Variants in GRID2 observed in about 807,000 individuals in gnomAD.
GRID2 encodes glutamate receptor ionotropic, delta-2.
A neutral mutation model predicts 114.8 loss-of-function variants in GRID2; 33 were observed. That is an observed-to-expected ratio of 0.29 (90% confidence interval 0.22 to 0.38). GRID2 has a LOEUF of 0.38. Ranked by LOEUF, GRID2 falls within the 10% of genes least tolerant of loss-of-function variation. The pLI, the probability that GRID2 is intolerant of heterozygous loss-of-function variation, is 1.00. For synonymous variants in GRID2, 505 were observed against 449.9 expected, an observed-to-expected ratio of 1.12 and a Z score of -1.55; for missense variants, 1,184 against 1,257.7, an observed-to-expected ratio of 0.94 and a Z score of 0.89.
intron 2 of GRID2, among the ~76,000 whole-genome samples, chr4:92,948,718 C>T (rs1751821298): frequency 6.6e-6 from 1 of 151,946 alleles, no homozygotes; most frequent in East Asian, 1.9e-4. Context: ...AACATGTTTA[C>T]CTGTTTGACA....
intron 4 of GRID2, among the ~76,000 whole-genome samples, chr4:93,139,310 C>T (rs899341413): frequency 4.6e-5 from 7 of 152,106 alleles, no homozygotes; most frequent in African/African-American, 1.7e-4. Context: ...GACCACAGGA[C>T]ATAGCAAATT....
intron 1 of GRID2, among the ~76,000 whole-genome samples, chr4:92,395,641 A>T (rs192501101): frequency 6.6e-6 from 1 of 151,788 alleles, no homozygotes; most frequent in Admixed American, 6.6e-5. Context: ...GGCACTATCT[A>T]TCTATGTGTC....
intron 1 of GRID2, among the ~76,000 whole-genome samples, chr4:92,535,829 CG>C (rs1459786772): frequency 6.6e-6 from 1 of 151,770 alleles, no homozygotes; most frequent in Admixed American, 6.6e-5. Context: ...TTCCTTTTGG[CG>C]GGTTCGTCGT....
At chr4:93,666,025 C>A (rs1007574391) in intron 14 of GRID2, among the ~76,000 whole-genome samples, 2 of 152,042 alleles carry the variant, frequency 1.3e-5, no homozygotes, top group Non-Finnish European at 2.9e-5. Context: ...CTTCAACTGA[C>A]CACAAGCCCC....
intron 8 of GRID2, among the ~76,000 whole-genome samples, chr4:93,348,227 CA>C (rs1760436664): frequency 6.6e-6 from 1 of 152,184 alleles, no homozygotes; most frequent in East Asian, 1.9e-4. Flanking sequence ...TTATATAACA[CA>C]AGGTCAAACT....
chr4:93,064,586 G>A (rs988338908), intron 2 of GRID2, among the ~76,000 whole-genome samples: 3 of 151,788 alleles, frequency 2.0e-5, no homozygotes, highest in African/African-American at 7.2e-5. Flanking sequence ...GACAGAGTAG[G>A]TGACACTGCA....
chr4:92,334,518 T>C (rs760183028), intron 1 of GRID2, among the ~76,000 whole-genome samples: 3 of 152,114 alleles, frequency 2.0e-5, no homozygotes, highest in Non-Finnish European at 2.9e-5. Context: ...CTGTACTGCA[T>C]CATCCCACGG....
chr4:93,030,149 TC>T (rs1298691617), intron 2 of GRID2, among the ~76,000 whole-genome samples: 1 of 152,224 alleles, frequency 6.6e-6, no homozygotes, highest in African/African-American at 2.4e-5. Context: ...CCCCAGTGGT[TC>T]TTTACAGGAA....
At chr4:92,573,286 G>A (rs186062080) in intron 1 of GRID2, among the ~76,000 whole-genome samples, 3 of 151,826 alleles carry the variant, frequency 2.0e-5, no homozygotes, top group Non-Finnish European at 4.4e-5. Context: ...TTCAGTTTTC[G>A]AAGGGTTTTT....
intron 14 of GRID2, among the ~76,000 whole-genome samples, chr4:93,759,188 T>C (rs1733003999): frequency 6.6e-6 from 1 of 152,198 alleles, no homozygotes; most frequent in Non-Finnish European, 1.5e-5. Flanking sequence ...CACCAAAGTC[T>C]TGAGATCCGT....
intron 13 of GRID2, among the ~76,000 whole-genome samples, chr4:93,568,748 G>A (rs181907745): frequency 6.0e-4 from 91 of 152,222 alleles, no homozygotes; most frequent in African/African-American, 2.2e-3. Context: ...CAATTTTCAT[G>A]TGTGTAAGAA....
Position 92,414,372 on chromosome 4 carries a change from C to T in GRID2, c.88+109628C>T, listed in dbSNP as rs1222043756. ...ACTTTCGTGATTGTCTCCAGTGGCC[C>T]TCAGTAGACTGGCTATGGAAACAAG... On this transcript the variant is annotated intron_variant, in intron 1 of 15. Coordinates refer to ENST00000282020, the MANE Select transcript of GRID2 (RefSeq NM_001510.4). Among the ~76,000 whole-genome samples, 4 of 152,122 alleles carry T rather than the reference C, an allele frequency of 2.6e-5. No individual in the cohort carries two copies. The East Asian group carries it at 7.7e-4, about 29-fold the overall frequency.
chr4:92,614,276 G>A (rs1729896874), intron 2 of GRID2, among the ~76,000 whole-genome samples: 1 of 151,430 alleles, frequency 6.6e-6, no homozygotes, highest in Non-Finnish European at 1.5e-5. Context: ...ATATGAATGA[G>A]AACTATTTGC....
In GRID2 at chr4:92,524,407, C is replaced by CTTTTTT. The variant is rs869060153; in HGVS notation, c.89-65706_89-65701dup. On this transcript the variant is annotated intron_variant, in intron 1 of 15. Transcript: ENST00000282020. Reference sequence around the variant, plus strand: ...TCTTTCTGCTCTAGGATTTCCTTGTCTTTTTTTTTTTTTTTTTTTTTTTGT... The same window carrying CTTTTTT: ...TCTTTCTGCTCTAGGATTTCCTTGTCTTTTTTTTTTTTTTTTTTTTTTTTTTTTTGT... 5.4e-3 allele frequency among the ~76,000 whole-genome samples: 570 copies of CTTTTTT among 106,514 alleles called. 1 individual carries two copies. Among genetic ancestry groups the CTTTTTT allele is most frequent in the East Asian group, 7.9e-3 (30 of 3,820 alleles). The allele number at this position is 106,514 out of a possible 152,430, so 69.9% of individuals were successfully genotyped here.
chr4:92,782,196 C>A (rs1198551215), intron 2 of GRID2, among the ~76,000 whole-genome samples: 2 of 151,976 alleles, frequency 1.3e-5, no homozygotes, highest in East Asian at 1.9e-4. Flanking sequence ...TTATATAAAA[C>A]AATTTTTCCT....
chr4:92,866,106 C>G (rs1013174308), intron 2 of GRID2, among the ~76,000 whole-genome samples: 1 of 152,120 alleles, frequency 6.6e-6, no homozygotes, highest in Non-Finnish European at 1.5e-5. Flanking sequence ...TGGTCCGGCA[C>G]CCTGTGAATG....
intron 2 of GRID2, among the ~76,000 whole-genome samples, chr4:93,001,846 G>C (rs1721020842): frequency 6.6e-6 from 1 of 151,664 alleles, no homozygotes; most frequent in South Asian, 2.1e-4. Context: ...TTCCATGCTA[G>C]TGAATGGCAT....
At chr4:92,548,183 A>G (rs1726371031) in intron 1 of GRID2, among the ~76,000 whole-genome samples, 1 of 152,066 alleles carries the variant, frequency 6.6e-6, no homozygotes, top group Admixed American at 6.5e-5. Flanking sequence ...CTTCTCAATT[A>G]AAGATGTAAT....
chr4:92,602,203 T>TAAA (rs548267650), intron 2 of GRID2, among the ~76,000 whole-genome samples: 4 of 95,686 alleles, frequency 4.2e-5, no homozygotes, highest in Non-Finnish European at 6.6e-5. Context: ...GCCAGAGATT[T>TAAA]AAAAAAAAAA....
Sources: gnomAD v4.1 joint callset for allele counts (sites outside exome capture counted in the v4.1 genomes callset) on GRCh38, gnomAD v4.1.1 for gene constraint, MANE v1.5 for transcripts, NCBI Gene and HGNC (gene_info 2026-07-23, HGNC 2026-07-21) for gene names.